CNTNAP4: variants seen among roughly 807,000 people sequenced by gnomAD.
CNTNAP4 encodes contactin associated protein family member 4.
In CNTNAP4, 98 loss-of-function variants were observed where a neutral mutation model predicts 148.4. That is an observed-to-expected ratio of 0.66 (90% CI 0.56 to 0.78). CNTNAP4 has a LOEUF of 0.78. CNTNAP4 is among the 30% of genes least tolerant of loss of function. CNTNAP4 has a pLI of 0.00. For missense variants in CNTNAP4, 1,935 were observed against 1,565.6 expected (o/e 1.24, Z -3.98); for synonymous variants, 730 against 565.1 (o/e 1.29, Z -4.14).
rs148498193 is a variant in CNTNAP4, at chr16:76,538,825, G to A, written c.3220+485G>A. Among the ~76,000 whole-genome samples, 702 of 152,056 alleles carry A rather than the reference G, an allele frequency of 4.6e-3. 4 individuals are homozygous for A. The highest frequency in any genetic ancestry group is 0.016 in the African/African-American group (682 of 41,518). ...AAAAAAATCATCATGGGAAAAAAATGTTATATCCATGCAGTGTTAAGGGAA... is the reference window on the plus strand; with the variant it reads ...AAAAAAATCATCATGGGAAAAAAATATTATATCCATGCAGTGTTAAGGGAA... On this transcript the variant is annotated intron_variant, in intron 19 of 23. Coordinates refer to ENST00000611870, the MANE Select transcript of CNTNAP4 (RefSeq NM_033401.5).
intron 2 of CNTNAP4, among the ~76,000 whole-genome samples, chr16:76,326,153 A>C (rs1962951009): frequency 6.6e-6 from 1 of 152,114 alleles, no homozygotes; most frequent in Admixed American, 6.6e-5. Flanking sequence ...GATACCAAAC[A>C]GTGTCAAGGA....
chr16:76,398,747 C>A (rs566911574), intron 3 of CNTNAP4, among the ~76,000 whole-genome samples: 2 of 152,162 alleles, frequency 1.3e-5, no homozygotes, highest in South Asian at 4.2e-4. Flanking sequence ...ATTTTGACAG[C>A]TTTTTAAGTA....
At chr16:76,480,830 A>T (rs1176991503) in intron 12 of CNTNAP4, among the ~76,000 whole-genome samples, 1 of 152,214 alleles carries the variant, frequency 6.6e-6, no homozygotes, top group Non-Finnish European at 1.5e-5. Context: ...GCAAACCTAA[A>T]TTAAAACTCA....
chr16:76,534,202 C>T (rs1172637999), intron 17 of CNTNAP4, among the ~76,000 whole-genome samples: 1 of 152,166 alleles, frequency 6.6e-6, no homozygotes, highest in African/African-American at 2.4e-5. Context: ...TGTGGTTTAA[C>T]AAATGAATGG....
chr16:76,290,592 A>T (rs984892501), intron 1 of CNTNAP4, among the ~76,000 whole-genome samples: 1 of 152,198 alleles, frequency 6.6e-6, no homozygotes, highest in Non-Finnish European at 1.5e-5. Flanking sequence ...TTGAGTCAAC[A>T]ATTTCAAGAA....
chr16:76,385,547 A>AGTGTGTGTGTGT lies in CNTNAP4; in HGVS notation c.390+30055_390+30066dup, dbSNP rs3035895. Reference sequence around the variant, plus strand: ...TACAAAAATTAACACTTTAATTAGAAGTGTGTGTGTGTGTGTGTGTGTGTG... The same window carrying AGTGTGTGTGTGT: ...TACAAAAATTAACACTTTAATTAGAAGTGTGTGTGTGTGTGTGTGTGTGTGTGTGTGTGTGTG... On this transcript the variant is annotated intron_variant, in intron 3 of 23. Transcript: ENST00000611870. Among the ~76,000 whole-genome samples, 186 of 148,988 alleles carry AGTGTGTGTGTGT rather than the reference A, an allele frequency of 1.2e-3. 1 individual carries two copies. Among genetic ancestry groups the AGTGTGTGTGTGT allele is most frequent in the African/African-American group, 4.3e-3 (174 of 40,582 alleles).
intron 2 of CNTNAP4, among the ~76,000 whole-genome samples, chr16:76,348,314 A>G (rs1439500801): frequency 1.3e-5 from 2 of 151,906 alleles, no homozygotes; most frequent in Non-Finnish European, 2.9e-5. Flanking sequence ...TGTTAAAGAG[A>G]TCAAGTAGAA....
chr16:76,485,251 G>C (rs2081988357), intron 12 of CNTNAP4, among the ~76,000 whole-genome samples: 2 of 152,094 alleles, frequency 1.3e-5, no homozygotes, highest in South Asian at 4.2e-4. Flanking sequence ...CCGAGTAGCT[G>C]GGATTGCAGG....
intron 3 of CNTNAP4, among the ~76,000 whole-genome samples, chr16:76,362,940 G>A (rs544435384): frequency 2.0e-5 from 3 of 151,970 alleles, no homozygotes; most frequent in Admixed American, 6.6e-5. Context: ...ATACACAATG[G>A]GGGCCAGGCA....
chr16:76,361,066 G>A (rs983601834), intron 3 of CNTNAP4, among the ~76,000 whole-genome samples: 9 of 151,210 alleles, frequency 6.0e-5, no homozygotes, highest in Non-Finnish European at 8.8e-5. Context: ...CTCGTGGTCC[G>A]CCTGCCTCAA....
At chr16:76,426,425 A>T (rs1418035924) in intron 3 of CNTNAP4, among the ~76,000 whole-genome samples, 2 of 152,162 alleles carry the variant, frequency 1.3e-5, no homozygotes, top group East Asian at 3.9e-4. Context: ...ATGTCCCCTT[A>T]TTATGAAAGA....
intron 18 of CNTNAP4, among the ~76,000 whole-genome samples, chr16:76,536,417 A>G (rs911995075): frequency 1.3e-5 from 2 of 152,074 alleles, no homozygotes; most frequent in African/African-American, 2.4e-5. Flanking sequence ...GCTGGTCTCA[A>G]GTTCCCGACC....
chr16:76,335,638 A>G (rs1963955065), intron 2 of CNTNAP4, among the ~76,000 whole-genome samples: 1 of 152,178 alleles, frequency 6.6e-6, no homozygotes, highest in Non-Finnish European at 1.5e-5. Flanking sequence ...AGTTATCTGA[A>G]TGTGAAAGAT....
rs1029333231 is a variant in CNTNAP4, at chr16:76,479,355, C to G, written c.1763-64C>G. ...TTTCAAGATTTGCGGTATTTCATGT[C>G]CAAATTAAAAGTTAAGAGATTCATT... is the stretch of plus-strand genomic sequence containing the variant. On this transcript the variant is annotated intron_variant, in intron 11 of 23. Transcript: ENST00000611870. 6 of 1,409,662 alleles carry G rather than the reference C, an allele frequency of 4.3e-6. No individual in the cohort carries two copies. In the African/African-American group the frequency reaches 5.9e-5, roughly 14 times the overall value. The allele number at this position is 1,409,662 out of a possible 1,614,324, so 87.3% of individuals were successfully genotyped here.
In CNTNAP4 at chr16:76,351,363, CAA is replaced by C. The variant is rs56676992; in HGVS notation, c.197-3942_197-3941del. ...CACTAGCTGTCATCATAGGCTGGCC[CAA>C]AAAAAAAAAAAATTCTGCAAAGAAT... On this transcript the variant is annotated intron_variant, in intron 2 of 23. Transcript: ENST00000611870. 2.8e-4 allele frequency among the ~76,000 whole-genome samples: 40 copies of C among 140,690 alleles called. No homozygotes were observed. In the East Asian group the frequency reaches 3.0e-3, roughly 11 times the overall value. The allele number at this position is 140,690 out of a possible 152,430, so 92.3% of individuals were successfully genotyped here.
At chr16:76,330,584 C>T (rs1411700530) in intron 2 of CNTNAP4, among the ~76,000 whole-genome samples, 2 of 152,148 alleles carry the variant, frequency 1.3e-5, no homozygotes, top group African/African-American at 4.8e-5. Flanking sequence ...TGTAAAAATT[C>T]ACAAACATTT....
chr16:76,529,215 C>G (rs748981601), intron 17 of CNTNAP4, among the ~76,000 whole-genome samples: 1 of 152,110 alleles, frequency 6.6e-6, no homozygotes, highest in African/African-American at 2.4e-5. Flanking sequence ...TGGGTCTTTA[C>G]TATCCTTTTC....
At chr16:76,469,086 C>A (rs1435105466) in intron 10 of CNTNAP4, among the ~76,000 whole-genome samples, 1 of 152,100 alleles carries the variant, frequency 6.6e-6, no homozygotes, top group African/African-American at 2.4e-5. Context: ...TTTGTCAATC[C>A]TATTTTGAAC....
chr16:76,510,160 T>C (rs2082955193), intron 15 of CNTNAP4, among the ~76,000 whole-genome samples: 1 of 151,502 alleles, frequency 6.6e-6, no homozygotes, highest in Non-Finnish European at 1.5e-5. Context: ...GCACTCCCCA[T>C]CCCAGCCCTA....
Sources: gnomAD v4.1 joint callset for allele counts (sites outside exome capture counted in the v4.1 genomes callset) on GRCh38, gnomAD v4.1.1 for gene constraint, MANE v1.5 for transcripts, NCBI Gene and HGNC (gene_info 2026-07-23, HGNC 2026-07-21) for gene names.